The following STARD3NL variants were observed in gnomAD, a reference collection of about 807,000 sequenced individuals.
STARD3NL encodes the protein STARD3 N-terminal-like protein.
Under a neutral mutation model 30.9 loss-of-function variants are expected in STARD3NL, and 17 were observed. That is an observed-to-expected ratio of 0.55 (90% CI 0.38 to 0.82). STARD3NL has a LOEUF of 0.82. STARD3NL is among the 40% of genes least tolerant of loss of function. The probability of loss-of-function intolerance (pLI) is 0.00; values close to 1 mark genes in which losing one functional copy is unlikely to be tolerated. For missense variants in STARD3NL, 234 were observed against 277.6 expected, an observed-to-expected ratio of 0.84 and a Z score of 1.12; for synonymous variants, 112 against 100.5, an observed-to-expected ratio of 1.11 and a Z score of -0.69.
intron 7 of STARD3NL, among the ~76,000 whole-genome samples, chr7:38,225,355 T>C (rs1786698473): frequency 6.6e-6 from 1 of 152,226 alleles, no homozygotes; most frequent in African/African-American, 2.4e-5. Context: ...AAGTGTAGTT[T>C]ATGAATTTGT....
rs79211448 is a variant in STARD3NL at position 38,206,846 on chromosome 7, C to T, written c.-58-601C>T. ...AGTCCAGTGGCATGATCATAGCTCA[C>T]TATAACCTCAACTCCTGGGCTCAAG... is the stretch of plus-strand genomic sequence containing the variant. On this transcript the variant is annotated intron_variant, in intron 1 of 8. Transcript: ENST00000009041. Among the ~76,000 whole-genome samples the T allele has an allele frequency of 5.0e-3, 769 of 152,344 alleles. 1 individual carries two copies. Among genetic ancestry groups the T allele is most frequent in the Non-Finnish European group, 8.5e-3 (577 of 68,030 alleles).
At chr7:38,225,581 GAAAAGACAACC>G (rs1786711405) in intron 7 of STARD3NL, among the ~76,000 whole-genome samples, 1 of 48,714 alleles carries the variant, frequency 2.1e-5, no homozygotes, top group African/African-American at 5.5e-5. Flanking sequence ...ACAAGTTCTT[GAAAAGACAACC>G]TTTCCCCATT....
At chr7:38,196,430 A>T (rs929836603) in intron 1 of STARD3NL, among the ~76,000 whole-genome samples, 4 of 151,990 alleles carry the variant, frequency 2.6e-5, no homozygotes, top group Admixed American at 1.3e-4. Flanking sequence ...ACTGTGATTC[A>T]TTATGTGTTT....
chr7:38,218,794 T>G (rs183489942), intron 6 of STARD3NL, among the ~76,000 whole-genome samples: 4 of 152,318 alleles, frequency 2.6e-5, no homozygotes, highest in African/African-American at 9.6e-5. Context: ...CGTCCTGCTT[T>G]CTTACCTTTT....
rs760254369 is a variant in STARD3NL at position 38,215,044 on chromosome 7, G to A, written c.320G>A (p.Arg107Gln). 1.9e-6 allele frequency: 3 copies of A among 1,613,702 alleles called. No homozygotes were observed. The highest frequency in any genetic ancestry group is 2.5e-6 in the Non-Finnish European group (3 of 1,179,838). ...YFDIFLLAVF[R>Q]FKVLILAYAV... ...TACTTTCAGCTTCTGGCAGTTTTTC[G>A]ATTTAAAGTGTTAATACTTGCATAT... The change falls in exon 4 of 9, where the codon CGA becomes CAA. Residue 107 changes from arginine to glutamine, a missense_variant. Arg to Gln is a conservative substitution (Grantham distance 43). Transcript: ENST00000009041.
chr7:38,207,639 G>A lies in STARD3NL; in HGVS notation c.135G>A (p.Lys45=). ...TTGAGTCCTATGAAGGAAGGGAAAA[G>A]AAAGGCATATCTGATGTCAGGAGGA... ...ARIESYEGRE[K]KGISDVRRTF... Residue 45 remains lysine (K), a synonymous_variant, in exon 2 of 9, where the codon AAG becomes AAA. Coordinates refer to ENST00000009041, the MANE Select transcript of STARD3NL (RefSeq NM_032016.4). 1 of 1,614,120 alleles carries A rather than the reference G, an allele frequency of 6.2e-7. No homozygotes were observed. Among genetic ancestry groups the A allele is most frequent in the Admixed American group, 1.7e-5 (1 of 60,010 alleles).
In STARD3NL at chr7:38,205,448, TATC is replaced by T. The variant is rs574447248; in HGVS notation, c.-58-1996_-58-1994del. Among the ~76,000 whole-genome samples, 11 of 152,356 alleles carry T rather than the reference TATC, an allele frequency of 7.2e-5. No homozygotes were observed. In the South Asian group the frequency reaches 2.3e-3, roughly 32 times the overall value. On this transcript the variant is annotated intron_variant, in intron 1 of 8. Coordinates refer to ENST00000009041, the MANE Select transcript of STARD3NL (RefSeq NM_032016.4). ...TTTAGTATTTGATTTTTAATTTAGTTATCATAACCCAGGCATTTTTTCTAAGTC... is the reference window on the plus strand; with the variant it reads ...TTTAGTATTTGATTTTTAATTTAGTTATAACCCAGGCATTTTTTCTAAGTC...
chr7:38,181,085 A>G (rs12535249), intron 1 of STARD3NL, among the ~76,000 whole-genome samples: 2,200 of 152,306 alleles, frequency 0.014, 156 homozygotes, highest in Admixed American at 0.12. Flanking sequence ...CATTTGCCTT[A>G]TTTTCCTTCC....
chr7:38,178,515 A>C (rs1784109616), intron 1 of STARD3NL, 95 bp downstream of exon 1: 1 of 152,524 alleles, frequency 6.6e-6, no homozygotes, highest in Non-Finnish European at 1.5e-5. Context: ...GGACCCGCGG[A>C]CGGAGGCCAT....
At chr7:38,191,434 CT>C (rs1327044212) in intron 1 of STARD3NL, among the ~76,000 whole-genome samples, 2 of 152,028 alleles carry the variant, frequency 1.3e-5, no homozygotes, top group Non-Finnish European at 2.9e-5. Flanking sequence ...ATGGTTATAA[CT>C]TTTTGTGTCT....
intron 2 of STARD3NL, among the ~76,000 whole-genome samples, chr7:38,209,025 TCA>T (rs1344423013): frequency 6.6e-6 from 1 of 152,194 alleles, no homozygotes; most frequent in East Asian, 1.9e-4. Flanking sequence ...TGTCCCATAA[TCA>T]CAGTGACATG....
At chr7:38,218,776 G>A (rs1187264085) in intron 6 of STARD3NL, among the ~76,000 whole-genome samples, 2 of 152,170 alleles carry the variant, frequency 1.3e-5, no homozygotes, top group Non-Finnish European at 1.5e-5. Flanking sequence ...GTGTTCCTCA[G>A]CTGTCCACGT....
intron 1 of STARD3NL, among the ~76,000 whole-genome samples, chr7:38,182,571 A>G (rs909310953): frequency 6.6e-6 from 1 of 152,076 alleles, no homozygotes; most frequent in Non-Finnish European, 1.5e-5. Context: ...CCTGTGTTGG[A>G]ACTCCTGGCA....
At chr7:38,184,927 T>A (rs1351558797) in intron 1 of STARD3NL, among the ~76,000 whole-genome samples, 1 of 151,658 alleles carries the variant, frequency 6.6e-6, no homozygotes, top group Non-Finnish European at 1.5e-5. Flanking sequence ...TCAAGAATGC[T>A]GCTAGTTTCA....
chr7:38,206,668 C>G (rs1258985368), intron 1 of STARD3NL, among the ~76,000 whole-genome samples: 1 of 152,180 alleles, frequency 6.6e-6, no homozygotes, highest in Non-Finnish European at 1.5e-5. Context: ...GGCCTAGAAA[C>G]ATGCTTGTTC....
chr7:38,199,467 C>T (rs939537796), intron 1 of STARD3NL, among the ~76,000 whole-genome samples: 1 of 152,144 alleles, frequency 6.6e-6, no homozygotes, highest in Non-Finnish European at 1.5e-5. Flanking sequence ...TGCTGTCTGT[C>T]GTGTGCTGTG....
chr7:38,220,619 T>C (rs1447591477), intron 7 of STARD3NL, among the ~76,000 whole-genome samples: 3 of 152,178 alleles, frequency 2.0e-5, no homozygotes, highest in African/African-American at 7.2e-5. Flanking sequence ...TACCATATGA[T>C]TCAACACTTC....
At chr7:38,225,676 T>A (rs1786718256) in intron 7 of STARD3NL, among the ~76,000 whole-genome samples, 1 of 149,908 alleles carries the variant, frequency 6.7e-6, no homozygotes, top group Non-Finnish European at 1.5e-5. Context: ...TTTATTTTTT[T>A]AATTCTGCTT....
At chr7:38,180,823 C>T (rs1189388425) in intron 1 of STARD3NL, among the ~76,000 whole-genome samples, 1 of 152,192 alleles carries the variant, frequency 6.6e-6, no homozygotes, top group Non-Finnish European at 1.5e-5. Flanking sequence ...AGAGCTAGGG[C>T]TGTGGAGGCC....
Sources: gnomAD v4.1 joint callset for allele counts (sites outside exome capture counted in the v4.1 genomes callset) on GRCh38, gnomAD v4.1.1 for gene constraint, MANE v1.5 for transcripts, NCBI Gene and HGNC (gene_info 2026-07-23, HGNC 2026-07-21) for gene names.